CBFA2T2: variants seen among roughly 807,000 people sequenced by gnomAD.
CBFA2T2 encodes protein CBFA2T2.
CBFA2T2 carries 11 observed loss-of-function variants against 62.2 expected under a neutral mutation model. The observed-to-expected ratio is 0.18, with a 90% CI of 0.11 to 0.29. The LOEUF is 0.29. Among genes scored for constraint, CBFA2T2 ranks in the 10% least tolerant of loss-of-function variants. The pLI, the probability that CBFA2T2 is intolerant of heterozygous loss-of-function variation, is 1.00. For synonymous variants in CBFA2T2, 295 were observed against 287.5 expected, an observed-to-expected ratio of 1.03 and a Z score of -0.27; for missense variants, 592 against 774.1, an observed-to-expected ratio of 0.76 and a Z score of 2.79.
chr20:33,518,694 C>T (rs2011647655), intron 1 of CBFA2T2, among the ~76,000 whole-genome samples: 3 of 151,276 alleles, frequency 2.0e-5, no homozygotes, highest in Admixed American at 2.0e-4. Context: ...ATCTCTTGAA[C>T]CCGAGTGGCA....
chr20:33,625,782 T>TACA (rs760809236), intron 6 of CBFA2T2, among the ~76,000 whole-genome samples: 86 of 152,124 alleles, frequency 5.7e-4, no homozygotes, highest in Non-Finnish European at 1.1e-3. Context: ...ACCTCATCTC[T>TACA]ACAACAACAA....
chr20:33,619,321 C>G (rs1198372019), intron 3 of CBFA2T2, among the ~76,000 whole-genome samples, 196 bp from the exon 4 acceptor site: 1 of 151,928 alleles, frequency 6.6e-6, no homozygotes, highest in Non-Finnish European at 1.5e-5. Flanking sequence ...AGTTCACCGT[C>G]AGGAGATCAC....
chr20:33,575,266 C>G (rs544842076), intron 1 of CBFA2T2, among the ~76,000 whole-genome samples: 78 of 152,280 alleles, frequency 5.1e-4, no homozygotes, highest in African/African-American at 1.3e-3. Flanking sequence ...TATGGTTTTT[C>G]TTGATGCCTT....
intron 1 of CBFA2T2, among the ~76,000 whole-genome samples, chr20:33,591,824 T>C (rs929444100): frequency 3.3e-5 from 4 of 122,110 alleles, no homozygotes; most frequent in Admixed American, 1.1e-4. Context: ...AAGTCCATTC[T>C]CATGAACAAT....
intron 1 of CBFA2T2, among the ~76,000 whole-genome samples, chr20:33,535,582 C>T (rs989447882): frequency 6.8e-6 from 1 of 147,948 alleles, no homozygotes; most frequent in Non-Finnish European, 1.5e-5. Flanking sequence ...GGCAGGAAGT[C>T]TGGGCATGGA....
chr20:33,620,692 T>A (rs1246642774), intron 4 of CBFA2T2, among the ~76,000 whole-genome samples: 3 of 151,156 alleles, frequency 2.0e-5, no homozygotes, highest in Non-Finnish European at 4.4e-5. Context: ...ATAGAAAAAA[T>A]TAGCACATGC....
At chr20:33,524,258 T>C in intron 1 of CBFA2T2, among the ~76,000 whole-genome samples, 1 of 152,156 alleles carries the variant, frequency 6.6e-6, no homozygotes, top group East Asian at 1.9e-4. Context: ...CACTGATTGT[T>C]ACCTGTCACA....
At chr20:33,629,633 T>C in intron 7 of CBFA2T2, 86 bp from the exon 8 acceptor site, 1 of 1,192,632 alleles carries the variant, frequency 8.4e-7, no homozygotes, top group Admixed American at 2.3e-5. Flanking sequence ...GGAACCTGAA[T>C]TCCTCATATT....
At chr20:33,564,397 G>A (rs553672110) in intron 1 of CBFA2T2, among the ~76,000 whole-genome samples, 1 of 151,148 alleles carries the variant, frequency 6.6e-6, no homozygotes, top group African/African-American at 2.4e-5. Flanking sequence ...GTAGCTGGGA[G>A]TATAGGCGTG....
chr20:33,494,249 A>G (rs1293760125), intron 1 of CBFA2T2, among the ~76,000 whole-genome samples: 57 of 47,032 alleles, frequency 1.2e-3, no homozygotes, highest in African/African-American at 4.6e-3. Flanking sequence ...ATGTGTATAT[A>G]TATATATATA....
At chr20:33,500,539 G>A (rs1360548551) in intron 1 of CBFA2T2, among the ~76,000 whole-genome samples, 3 of 151,814 alleles carry the variant, frequency 2.0e-5, no homozygotes, top group Admixed American at 6.6e-5. Context: ...GAGAAACCCC[G>A]TCTCTAATAA....
At chr20:33,626,371 G>A (rs1030452451) in intron 6 of CBFA2T2, among the ~76,000 whole-genome samples, 6 of 152,250 alleles carry the variant, frequency 3.9e-5, no homozygotes, top group African/African-American at 1.2e-4. Flanking sequence ...CTAACTAGCT[G>A]TGTGATCTCA....
chr20:33,630,159 G>T (rs899264380), intron 8 of CBFA2T2, among the ~76,000 whole-genome samples: 2 of 152,076 alleles, frequency 1.3e-5, no homozygotes, highest in Admixed American at 1.3e-4. Flanking sequence ...TGTTGCCCAG[G>T]CTGGCCTTGG....
chr20:33,538,446 A>C (rs1230940267), intron 1 of CBFA2T2, among the ~76,000 whole-genome samples: 2 of 151,702 alleles, frequency 1.3e-5, no homozygotes, highest in African/African-American at 4.8e-5. Context: ...ATCTCGGCTC[A>C]CTGCAACCTC....
chr20:33,547,025 G>T (rs1251351853), intron 1 of CBFA2T2, among the ~76,000 whole-genome samples: 6 of 151,438 alleles, frequency 4.0e-5, no homozygotes, highest in Non-Finnish European at 8.8e-5. Context: ...GCATGGTGAA[G>T]CCCCAACTCT....
At chr20:33,608,969 A>G (rs1401281919) in intron 2 of CBFA2T2, among the ~76,000 whole-genome samples, 2 of 152,138 alleles carry the variant, frequency 1.3e-5, no homozygotes, top group Non-Finnish European at 1.5e-5. Context: ...CTTTCCTTTC[A>G]TTAGCTTTAC....
intron 10 of CBFA2T2, among the ~76,000 whole-genome samples, chr20:33,642,106 TTTTTTTTTTTTGTG>T (rs1328608533): frequency 2.5e-5 from 1 of 39,460 alleles, no homozygotes; most frequent in African/African-American, 2.3e-4. Flanking sequence ...CTCCTTTGTC[TTTTTTTTTTTTGTG>T]TGTGTGTGTG....
chr20:33,570,247 C>T (rs760096357), intron 1 of CBFA2T2, among the ~76,000 whole-genome samples: 2 of 152,234 alleles, frequency 1.3e-5, no homozygotes, highest in African/African-American at 2.4e-5. Flanking sequence ...TGCCACTGCA[C>T]TCCAGCCTGG....
chr20:33,507,078 G>A (rs941943382), intron 1 of CBFA2T2, among the ~76,000 whole-genome samples: 2 of 152,074 alleles, frequency 1.3e-5, no homozygotes, highest in Non-Finnish European at 2.9e-5. Context: ...TTATTTAAGG[G>A]CCTGATATTT....
Sources: allele counts gnomAD v4.1 joint callset (sites outside exome capture counted in the v4.1 genomes callset), GRCh38; gene constraint gnomAD v4.1.1; transcripts MANE v1.5; gene names NCBI Gene and HGNC (gene_info 2026-07-23, HGNC 2026-07-21).